ZNF638: variants seen among roughly 807,000 people sequenced by gnomAD.
The protein encoded by ZNF638 is zinc finger protein 638.
ZNF638 carries 46 observed loss-of-function variants against 195.6 expected under a neutral mutation model. The ratio of observed to expected loss-of-function variants is 0.24; its 90% confidence interval spans 0.19 to 0.30. The LOEUF (loss-of-function observed/expected upper bound fraction) is 0.30, where lower values mean the gene tolerates loss of function less well. Ranked by LOEUF, ZNF638 falls within the 10% of genes least tolerant of loss-of-function variation. The probability of loss-of-function intolerance (pLI) is 1.00; values close to 1 mark genes in which losing one functional copy is unlikely to be tolerated. For missense variants in ZNF638, 2,440 were observed against 2,325.3 expected, an observed-to-expected ratio of 1.05 and a Z score of -1.01; for synonymous variants, 845 against 772.0, an observed-to-expected ratio of 1.09 and a Z score of -1.57.
chr2:71,398,674 G>C, intron 11 of ZNF638, 27 bp from the exon 12 acceptor site: 6 of 1,605,640 alleles, frequency 3.7e-6, no homozygotes, highest in Non-Finnish European at 5.1e-6. Flanking sequence ...AAGTAAACCA[G>C]TTTTGACTGC....
intron 2 of ZNF638, among the ~76,000 whole-genome samples, chr2:71,355,161 G>A (rs1335742881): frequency 1.3e-5 from 2 of 151,934 alleles, no homozygotes; most frequent in African/African-American, 4.8e-5. Context: ...GTAGAGACAG[G>A]GTTTCACAGT....
intron 23 of ZNF638, among the ~76,000 whole-genome samples, chr2:71,426,114 A>G (rs2080534717): frequency 6.6e-6 from 1 of 152,216 alleles, no homozygotes; most frequent in South Asian, 2.1e-4. Flanking sequence ...GATGTTTGAC[A>G]TATGGAACAG....
Position 71,434,877 on chromosome 2 carries a change from T to C in ZNF638, c.*70T>C. On this transcript the variant is annotated 3_prime_UTR_variant, in exon 28 of 28. Coordinates refer to ENST00000264447, the MANE Select transcript of ZNF638 (RefSeq NM_014497.5). Reference sequence around the variant, plus strand: ...GTTGATTTGTGTATTTTTGTTATCATTTAATTTGTAATTTTCGTTTCAGAA... The same window carrying C: ...GTTGATTTGTGTATTTTTGTTATCACTTAATTTGTAATTTTCGTTTCAGAA... 7.2e-7 allele frequency: 1 copy of C among 1,385,060 alleles called. No homozygotes were observed. Among genetic ancestry groups the C allele is most frequent in the Non-Finnish European group, 9.9e-7 (1 of 1,014,918 alleles). 85.8% of individuals were successfully genotyped at this position (1,385,060 alleles called of 1,614,324 possible).
intron 2 of ZNF638, among the ~76,000 whole-genome samples, chr2:71,350,589 T>C (rs1259931542): frequency 6.6e-6 from 1 of 152,186 alleles, no homozygotes; most frequent in Non-Finnish European, 1.5e-5. Flanking sequence ...CAATGTCACA[T>C]GGAATCACCT....
rs1328068568 is a variant in ZNF638 at position 71,423,036 on chromosome 2, CAAA to C, written c.3523_3525del (p.Lys1175del). ...AGCTTGAAACTCAAGGAGAGGAGGT[CAAA>C]GAAGAAATTCCTCTTGTAGCATCCG... On this transcript the variant is annotated inframe_deletion, in exon 22 of 28. Coordinates refer to ENST00000264447, the MANE Select transcript of ZNF638 (RefSeq NM_014497.5). 2 of 1,614,056 alleles carry C rather than the reference CAAA, an allele frequency of 1.2e-6. No homozygotes were observed. The highest frequency in any genetic ancestry group is 4.5e-5 in the East Asian group (2 of 44,870).
rs2079183863 is a variant in ZNF638 at position 71,365,672 on chromosome 2, A to G, written c.1961A>G (p.Gln654Arg). 3 of 1,613,682 alleles carry G rather than the reference A, an allele frequency of 1.9e-6. No individual in the cohort carries two copies. The East Asian group carries it at 6.7e-5, about 36-fold the overall frequency. Residue 654 changes from glutamine to arginine, a missense_variant, in exon 6 of 28, where the codon CAG becomes CGG. Coordinates refer to ENST00000264447, the MANE Select transcript of ZNF638 (RefSeq NM_014497.5). ...LEDDTLSECKQVSDKAVSLQR... is the reference protein window; with the variant it reads ...LEDDTLSECKRVSDKAVSLQR... ...GATGACACTTTGTCAGAATGTAAAC[A>G]GGTGTCTGATAAAGCTGTTTCTCTC...
At chr2:71,417,651 C>T (rs962620793) in intron 20 of ZNF638, among the ~76,000 whole-genome samples, 1 of 151,486 alleles carries the variant, frequency 6.6e-6, no homozygotes, top group Non-Finnish European at 1.5e-5. Flanking sequence ...TCCTCTGATA[C>T]CATGCAGGGT....
chr2:71,365,717 A>G lies in ZNF638; in HGVS notation c.1995+11A>G. The G allele has an allele frequency of 6.3e-7, 1 of 1,583,636 alleles. No individual in the cohort carries two copies. Among genetic ancestry groups the G allele is most frequent in the South Asian group, 1.2e-5 (1 of 86,642 alleles). On this transcript the variant is annotated intron_variant, in intron 6 of 27. Transcript: ENST00000264447. ...TCTCTCCAGCGAAAGGTAATTCTTT[A>G]ATTAATAATTATTTTTAGAGATAAG...
rs1308003689 is a variant in ZNF638, at chr2:71,348,976, C to A, written c.22C>A (p.Pro8Thr). 4 of 1,614,016 alleles carry A rather than the reference C, an allele frequency of 2.5e-6. No homozygotes were observed. The highest frequency in any genetic ancestry group is 2.7e-5 in the African/African-American group (2 of 74,906). MSRPRFN[P>T]RGDFPLQRPR... ...AGCCATGTCGAGACCCAGGTTTAATCCTCGAGGAGACTTTCCACTTCAAAG... is the reference window on the plus strand; with the variant it reads ...AGCCATGTCGAGACCCAGGTTTAATACTCGAGGAGACTTTCCACTTCAAAG... The change falls in exon 2 of 28, where the codon CCT becomes ACT. Residue 8 changes from proline (P) to threonine (T), a missense_variant. Transcript: ENST00000264447.
intron 26 of ZNF638, among the ~76,000 whole-genome samples, chr2:71,432,879 A>G (rs1053251772): frequency 6.6e-6 from 1 of 152,218 alleles, no homozygotes; most frequent in African/African-American, 2.4e-5. Flanking sequence ...AGGGGAGGTC[A>G]GGAGTTCGAG....
intron 10 of ZNF638, among the ~76,000 whole-genome samples, chr2:71,381,713 CTT>C (rs1273819984): frequency 1.3e-5 from 2 of 152,004 alleles, no homozygotes; most frequent in Non-Finnish European, 2.9e-5. Flanking sequence ...TATTTTTTCT[CTT>C]TTGAAAAAAT....
chr2:71,380,850 A>G (rs1425589983), intron 10 of ZNF638: 2 of 238,076 alleles, frequency 8.4e-6, no homozygotes, highest in Non-Finnish European at 1.6e-5. Context: ...TAGTTATGCA[A>G]TATCTCCCTC....
chr2:71,426,666 G>T lies in ZNF638; in HGVS notation c.4797G>T (p.Val1599=). ...GTGTTGAGGGAGAACTATCTTTTGTGACATTGGATGAGATTGGGGAAGAGG... is the reference window on the plus strand; with the variant it reads ...GTGTTGAGGGAGAACTATCTTTTGTTACATTGGATGAGATTGGGGAAGAGG... The part of the protein sequence containing the change: ...PRGVEGELSF[V]TLDEIGEEED... The change falls in exon 24 of 28, where the codon GTG becomes GTT. Residue 1599 remains valine (V), a synonymous_variant. Transcript: ENST00000264447. 1 of 1,614,178 alleles carries T rather than the reference G, an allele frequency of 6.2e-7. No homozygotes were observed. The highest frequency in any genetic ancestry group is 1.7e-5 in the Admixed American group (1 of 60,032).
chr2:71,420,740 G>A (rs2080414588), intron 21 of ZNF638, among the ~76,000 whole-genome samples: 1 of 152,070 alleles, frequency 6.6e-6, no homozygotes, highest in Admixed American at 6.6e-5. Context: ...TTTAACTTTG[G>A]TGTTAATGTC....
At chr2:71,431,297 G>C (rs1405330031) in intron 25 of ZNF638, 30 bp from the exon 26 acceptor site, 1 of 1,574,518 alleles carries the variant, frequency 6.4e-7, no homozygotes, top group African/African-American at 1.4e-5. Context: ...AATCTATTCT[G>C]AATAGCTTTT....
chr2:71,360,673 G>C (rs2079094169), intron 3 of ZNF638, among the ~76,000 whole-genome samples: 2 of 151,732 alleles, frequency 1.3e-5, no homozygotes, highest in South Asian at 4.1e-4. Context: ...ACTTCCTATA[G>C]TTTTCTATTT....
intron 1 of ZNF638, among the ~76,000 whole-genome samples, chr2:71,334,968 G>C (rs961908977): frequency 1.3e-5 from 2 of 151,970 alleles, no homozygotes; most frequent in Admixed American, 1.3e-4. Flanking sequence ...GAATAATAAG[G>C]GTTTTGGTTT....
intron 1 of ZNF638, among the ~76,000 whole-genome samples, chr2:71,342,661 G>A (rs1057223022): frequency 7.0e-6 from 1 of 142,294 alleles, no homozygotes; most frequent in African/African-American, 2.5e-5. Context: ...TTTATAGTTA[G>A]AAATGGAGAT....
At position 71,350,263 on chromosome 2, in the gene ZNF638, C is replaced by T. The variant is rs760238541; in HGVS notation, c.1309C>T (p.His437Tyr). 1 of 1,598,122 alleles carries T rather than the reference C, an allele frequency of 6.3e-7. No homozygotes were observed. Among genetic ancestry groups the T allele is most frequent in the Non-Finnish European group, 8.5e-7 (1 of 1,178,078 alleles). ...TTCTCTGTGTAACGTAGAATGTAGTCATTTGAAGGTGAGTGTTTTTAAAAA... is the reference window on the plus strand; with the variant it reads ...TTCTCTGTGTAACGTAGAATGTAGTTATTTGAAGGTGAGTGTTTTTAAAAA... ...LCSLCNVECS[H>Y]LKDWIQHQNT... The change falls in exon 2 of 28, where the codon CAT (histidine) becomes TAT (tyrosine). Residue 437 changes from histidine (H) to tyrosine (Y), a missense_variant. By Grantham distance (83) the His-to-Tyr change is moderately conservative. Coordinates refer to ENST00000264447, the MANE Select transcript of ZNF638 (RefSeq NM_014497.5).
Sources: allele counts gnomAD v4.1 joint callset (sites outside exome capture counted in the v4.1 genomes callset), GRCh38; gene constraint gnomAD v4.1.1; transcripts MANE v1.5; gene names NCBI Gene and HGNC (gene_info 2026-07-23, HGNC 2026-07-21).